Variants in KCNIP4 observed in about 807,000 individuals in gnomAD.
KCNIP4 encodes the protein Kv channel-interacting protein 4.
KCNIP4 carries 12 observed loss-of-function variants against 34.0 expected under a neutral mutation model. The ratio of observed to expected loss-of-function variants is 0.35; its 90% CI spans 0.23 to 0.57. The LOEUF is 0.57. Ranked by LOEUF, KCNIP4 falls within the 20% of genes least tolerant of loss-of-function variation. KCNIP4 has a pLI of 0.83. For synonymous variants in KCNIP4, 124 were observed against 102.2 expected (o/e 1.21, Z -1.29); for missense variants, 238 against 311.7 (o/e 0.76, Z 1.78).
intron 1 of KCNIP4, among the ~76,000 whole-genome samples, chr4:21,457,084 CT>C (rs1287393065): frequency 6.6e-6 from 1 of 151,968 alleles, no homozygotes; most frequent in Non-Finnish European, 1.5e-5. Context: ...CTGACTTTTC[CT>C]TTTTCACTCT....
chr4:20,835,160 C>G (rs562657449), intron 3 of KCNIP4, among the ~76,000 whole-genome samples: 10 of 152,232 alleles, frequency 6.6e-5, no homozygotes, highest in African/African-American at 2.4e-4. Context: ...TTTTGAAGGA[C>G]TATTGTCTTT....
intron 1 of KCNIP4, among the ~76,000 whole-genome samples, chr4:20,999,158 G>A (rs1353292609): frequency 6.6e-6 from 1 of 152,152 alleles, no homozygotes; most frequent in Non-Finnish European, 1.5e-5. Flanking sequence ...GTCAGACAAA[G>A]ATAGGAAAAA....
At chr4:21,308,354 C>A (rs1041197060) in intron 1 of KCNIP4, among the ~76,000 whole-genome samples, 1 of 152,176 alleles carries the variant, frequency 6.6e-6, no homozygotes, top group Non-Finnish European at 1.5e-5. Context: ...GGAGCACATA[C>A]GTTTTCAAGC....
At chr4:21,542,344 A>G (rs1232382538) in intron 1 of KCNIP4, among the ~76,000 whole-genome samples, 2 of 152,208 alleles carry the variant, frequency 1.3e-5, no homozygotes, top group African/African-American at 4.8e-5. Flanking sequence ...AGAGTCAAAA[A>G]TATTTTAAGG....
chr4:21,554,273 G>A (rs1352977906), intron 1 of KCNIP4, among the ~76,000 whole-genome samples: 1 of 152,046 alleles, frequency 6.6e-6, no homozygotes, highest in Admixed American at 6.6e-5. Context: ...AAATCAGAGT[G>A]GCTGGTGGCA....
chr4:21,537,369 T>G (rs905932066), intron 1 of KCNIP4, among the ~76,000 whole-genome samples: 12 of 152,184 alleles, frequency 7.9e-5, no homozygotes, highest in African/African-American at 2.4e-4. Context: ...ACCTCATCAC[T>G]GCATGCCATT....
At chr4:21,096,382 T>G (rs958340297) in intron 1 of KCNIP4, among the ~76,000 whole-genome samples, 5 of 152,186 alleles carry the variant, frequency 3.3e-5, no homozygotes, top group Admixed American at 6.6e-5. Flanking sequence ...CTGTTTACAT[T>G]TTCCATATTG....
chr4:21,299,659 A>G (rs991542584), intron 1 of KCNIP4, among the ~76,000 whole-genome samples: 5 of 152,200 alleles, frequency 3.3e-5, no homozygotes, highest in African/African-American at 1.2e-4. Flanking sequence ...GTGAATTTCA[A>G]CTAAGCTATT....
intron 1 of KCNIP4, among the ~76,000 whole-genome samples, chr4:21,070,281 A>C (rs1744772161): frequency 6.6e-6 from 1 of 152,150 alleles, no homozygotes. Flanking sequence ...TTAAAAATAA[A>C]CTGCTGTGAA....
chr4:21,761,745 A>G (rs1211513033), intron 1 of KCNIP4, among the ~76,000 whole-genome samples: 1 of 152,062 alleles, frequency 6.6e-6, no homozygotes, highest in Non-Finnish European at 1.5e-5. Flanking sequence ...ATTTACTCCT[A>G]TAGAGGAAGA....
At chr4:20,845,811 A>G (rs116501093) in intron 3 of KCNIP4, among the ~76,000 whole-genome samples, 2,051 of 152,306 alleles carry the variant, frequency 0.013, 22 homozygotes, top group Non-Finnish European at 0.019. Context: ...GGGGAATTTC[A>G]TATGTGCAAC....
intron 1 of KCNIP4, among the ~76,000 whole-genome samples, chr4:21,817,070 C>T (rs760369921): frequency 2.6e-5 from 4 of 152,100 alleles, no homozygotes; most frequent in African/African-American, 4.8e-5. Context: ...GTGTTCTCCT[C>T]TTCTATTGGT....
intron 1 of KCNIP4, among the ~76,000 whole-genome samples, chr4:21,422,938 C>A (rs575645176): frequency 6.6e-6 from 1 of 152,278 alleles, no homozygotes; most frequent in African/African-American, 2.4e-5. Context: ...TCACAGAATG[C>A]AGGAACTTAC....
At chr4:21,429,444 A>G (rs1260515524) in intron 1 of KCNIP4, among the ~76,000 whole-genome samples, 1 of 150,326 alleles carries the variant, frequency 6.7e-6, no homozygotes, top group Admixed American at 6.7e-5. Flanking sequence ...TGCCATACAC[A>G]CTCACTAGTA....
chr4:21,768,029 C>G (rs1474075450), intron 1 of KCNIP4, among the ~76,000 whole-genome samples: 1 of 152,104 alleles, frequency 6.6e-6, no homozygotes, highest in Non-Finnish European at 1.5e-5. Flanking sequence ...TCTTATTATA[C>G]ACATCATTCC....
intron 1 of KCNIP4, among the ~76,000 whole-genome samples, chr4:20,922,128 G>A (rs1401868938): frequency 6.6e-6 from 1 of 152,082 alleles, no homozygotes; most frequent in East Asian, 1.9e-4. Flanking sequence ...TTAGGACCTT[G>A]GTTACTGTGA....
chr4:21,328,238 G>T (rs1430276543), intron 1 of KCNIP4, among the ~76,000 whole-genome samples: 2 of 152,152 alleles, frequency 1.3e-5, no homozygotes, highest in Non-Finnish European at 2.9e-5. Context: ...TTGGTGTTGT[G>T]ATCTAAATTT....
At chr4:20,871,108 G>A (rs1045141122) in intron 2 of KCNIP4, among the ~76,000 whole-genome samples, 6 of 152,232 alleles carry the variant, frequency 3.9e-5, no homozygotes, top group Non-Finnish European at 7.4e-5. Context: ...CTGGGCATTA[G>A]AGACAATTTA....
intron 1 of KCNIP4, among the ~76,000 whole-genome samples, chr4:21,270,126 C>T (rs1191473500): frequency 6.6e-6 from 1 of 152,160 alleles, no homozygotes; most frequent in Non-Finnish European, 1.5e-5. Context: ...GTATCATAGG[C>T]TCAAAGACTT....
Sources: gnomAD v4.1 joint callset for allele counts (sites outside exome capture counted in the v4.1 genomes callset) on GRCh38, gnomAD v4.1.1 for gene constraint, MANE v1.5 for transcripts, NCBI Gene and HGNC (gene_info 2026-07-23, HGNC 2026-07-21) for gene names.